Variants in CACNB2 observed in about 807,000 individuals in gnomAD.
The protein encoded by CACNB2 is calcium voltage-gated channel auxiliary subunit beta 2, also known as voltage-dependent L-type calcium channel subunit beta-2.
A neutral mutation model predicts 73.3 loss-of-function variants in CACNB2; 42 were observed. The observed-to-expected ratio is 0.57, with a 90% CI of 0.45 to 0.74. CACNB2 has a LOEUF of 0.74. Ranked by LOEUF, CACNB2 falls within the 30% of genes least tolerant of loss-of-function variation. The probability of loss-of-function intolerance (pLI) is 0.00; values close to 1 mark genes in which losing one functional copy is unlikely to be tolerated. For missense variants in CACNB2, 940 were observed against 853.0 expected, an observed-to-expected ratio of 1.10 and a Z score of -1.27; for synonymous variants, 348 against 310.3, an observed-to-expected ratio of 1.12 and a Z score of -1.28.
intron 2 of CACNB2, among the ~76,000 whole-genome samples, chr10:18,258,441 C>T (rs1005159981): frequency 2.6e-5 from 4 of 152,090 alleles, no homozygotes. Flanking sequence ...TAAGAAAAAA[C>T]TTGAGGCCGG....
At chr10:18,254,859 A>G (rs1275889667) in intron 2 of CACNB2, among the ~76,000 whole-genome samples, 4 of 152,270 alleles carry the variant, frequency 2.6e-5, no homozygotes, top group Non-Finnish European at 5.9e-5. Context: ...GGAAATGTTC[A>G]GGAATGAGAG....
At position 18,539,800 on chromosome 10, in the gene CACNB2, T is replaced by C. The variant is rs536419495; in HGVS notation, c.*76T>C. On this transcript the variant is annotated 3_prime_UTR_variant, in exon 14 of 14. Coordinates refer to ENST00000324631, the MANE Select transcript of CACNB2 (RefSeq NM_201596.3). The stretch of plus-strand genomic sequence containing the variant: ...TAACAGCATCCCCAAAACAAAGTCT[T>C]TGGGGTCTACACTGCAATCATATGT... 1,115 of 1,418,956 alleles carry C rather than the reference T, an allele frequency of 7.9e-4. No homozygotes were observed. Among genetic ancestry groups the C allele is most frequent in the Non-Finnish European group, 1.0e-3 (1,063 of 1,030,284 alleles). 87.9% of individuals were successfully genotyped at this position (1,418,956 alleles called of 1,614,324 possible). A position where few individuals can be genotyped will look rare whatever the true frequency, so the allele number is the denominator to read the frequency against.
chr10:18,535,543 T>C (rs574331184), intron 11 of CACNB2, among the ~76,000 whole-genome samples: 8 of 151,784 alleles, frequency 5.3e-5, no homozygotes, highest in Non-Finnish European at 1.0e-4. Context: ...TAGGCTGAGG[T>C]GGGAGGATCA....
At chr10:18,411,181 G>T (rs2044605859) in intron 3 of CACNB2, among the ~76,000 whole-genome samples, 1 of 152,160 alleles carries the variant, frequency 6.6e-6, no homozygotes, top group Non-Finnish European at 1.5e-5. Context: ...AAAACTGGCT[G>T]AATATGTCTA....
chr10:18,215,923 A>G (rs1278262985), intron 2 of CACNB2, among the ~76,000 whole-genome samples: 1 of 152,086 alleles, frequency 6.6e-6, no homozygotes, highest in Admixed American at 6.6e-5. Flanking sequence ...TCTGTGAACA[A>G]TTGTGCTTAT....
rs146239374 is a variant in CACNB2 at position 18,220,755 on chromosome 10, C to G, written c.213+69780C>G. 7.7e-3 allele frequency among the ~76,000 whole-genome samples: 1,168 copies of G among 152,218 alleles called. 14 individuals are homozygous for G. The highest frequency in any genetic ancestry group is 0.01 in the Non-Finnish European group (703 of 68,014). ...CAGATTCTCATAGGAGCGTGCAAAC[C>G]CTACTGTGAACTGCACGTGTCAGGG... On this transcript the variant is annotated intron_variant, in intron 2 of 13. Transcript: ENST00000324631.
At chr10:18,443,101 T>G (rs942129932) in intron 3 of CACNB2, among the ~76,000 whole-genome samples, 2 of 150,088 alleles carry the variant, frequency 1.3e-5, no homozygotes, top group Non-Finnish European at 3.0e-5. Flanking sequence ...TAATTTTTTC[T>G]ACACATTTTT....
chr10:18,415,612 C>A (rs1283930046), intron 3 of CACNB2, among the ~76,000 whole-genome samples: 1 of 152,142 alleles, frequency 6.6e-6, no homozygotes, highest in Admixed American at 6.5e-5. Flanking sequence ...TAGTGACTGA[C>A]CCTCTGGAGG....
At chr10:18,384,850 T>A (rs1015469723) in intron 2 of CACNB2, among the ~76,000 whole-genome samples, 2 of 151,034 alleles carry the variant, frequency 1.3e-5, no homozygotes, top group Admixed American at 6.6e-5. Context: ...CCAGGTTAAG[T>A]CCCTCCCATC....
intron 2 of CACNB2, chr10:18,261,348 G>A (rs752477754): frequency 1.3e-6 from 2 of 1,551,588 alleles, no homozygotes; most frequent in South Asian, 2.4e-5. Context: ...AATTGCAGCT[G>A]GGAGCTGAAA....
intron 3 of CACNB2, among the ~76,000 whole-genome samples, chr10:18,494,478 A>G (rs1260267225): frequency 1.3e-5 from 2 of 151,890 alleles, no homozygotes; most frequent in African/African-American, 4.8e-5. Context: ...AAATACAAAA[A>G]AAAATTAGCC....
chr10:18,436,893 G>A (rs1160090352), intron 3 of CACNB2, among the ~76,000 whole-genome samples: 1 of 152,132 alleles, frequency 6.6e-6, no homozygotes, highest in African/African-American at 2.4e-5. Context: ...AAAAGAGAGA[G>A]TCACCTTATA....
chr10:18,265,095 T>G (rs561072701), intron 2 of CACNB2, among the ~76,000 whole-genome samples: 8 of 152,018 alleles, frequency 5.3e-5, no homozygotes, highest in Admixed American at 3.3e-4. Flanking sequence ...ATTTCCCTGA[T>G]AACTAATGAA....
At chr10:18,401,447 T>C (rs1434541666) in intron 2 of CACNB2, among the ~76,000 whole-genome samples, 1 of 152,202 alleles carries the variant, frequency 6.6e-6, no homozygotes, top group Non-Finnish European at 1.5e-5. Context: ...AACAAGGCTT[T>C]TTCAGATTAA....
At chr10:18,494,159 C>A (rs772313594) in intron 3 of CACNB2, among the ~76,000 whole-genome samples, 7 of 152,144 alleles carry the variant, frequency 4.6e-5, no homozygotes, top group Admixed American at 1.3e-4. Context: ...ACTTTAATTT[C>A]TTTTTCCTTT....
intron 2 of CACNB2, among the ~76,000 whole-genome samples, chr10:18,310,689 C>T (rs984579392): frequency 4.7e-5 from 7 of 150,342 alleles, no homozygotes; most frequent in Admixed American, 4.0e-4. Context: ...GAGCAATTCT[C>T]CTGCCTCAGC....
intron 3 of CACNB2, among the ~76,000 whole-genome samples, chr10:18,469,812 C>G (rs1256760313): frequency 1.3e-5 from 2 of 152,118 alleles, no homozygotes; most frequent in South Asian, 2.1e-4. Context: ...AAAAATAAAT[C>G]TAATGGTTGA....
intron 2 of CACNB2, among the ~76,000 whole-genome samples, chr10:18,216,573 C>T (rs1480964473): frequency 7.0e-6 from 1 of 142,388 alleles, no homozygotes; most frequent in African/African-American, 2.5e-5. Flanking sequence ...GGTTTATAGA[C>T]ACTTAGTTTT....
intron 2 of CACNB2, among the ~76,000 whole-genome samples, chr10:18,398,729 G>A (rs1383178825): frequency 2.0e-5 from 3 of 151,496 alleles, no homozygotes; most frequent in Non-Finnish European, 2.9e-5. Context: ...GTTTTTGTGT[G>A]AAAGTATATA....
Sources: gnomAD v4.1 joint callset for allele counts (sites outside exome capture counted in the v4.1 genomes callset) on GRCh38, gnomAD v4.1.1 for gene constraint, MANE v1.5 for transcripts, NCBI Gene and HGNC (gene_info 2026-07-23, HGNC 2026-07-21) for gene names.